RIMS2: variants seen among roughly 807,000 people sequenced by gnomAD.
RIMS2 encodes the protein regulating synaptic membrane exocytosis 2, also known as regulating synaptic membrane exocytosis protein 2.
Under a neutral mutation model 174.4 loss-of-function variants are expected in RIMS2, and 59 were observed. The ratio of observed to expected loss-of-function variants is 0.34; its 90% CI spans 0.27 to 0.42. The LOEUF (loss-of-function observed/expected upper bound fraction) is 0.42, where lower values mean the gene tolerates loss of function less well. RIMS2 is among the 10% of genes least tolerant of loss of function. The pLI is 1.00. For synonymous variants in RIMS2, 606 were observed against 572.5 expected, an observed-to-expected ratio of 1.06 and a Z score of -0.84; for missense variants, 1,620 against 1,666.3, an observed-to-expected ratio of 0.97 and a Z score of 0.48.
At chr8:103,816,770 A>G (rs2098720941) in intron 3 of RIMS2, among the ~76,000 whole-genome samples, 1 of 152,174 alleles carries the variant, frequency 6.6e-6, no homozygotes, top group African/African-American at 2.4e-5. Context: ...TCTCTGAGGA[A>G]GGCAGTTGAT....
intron 1 of RIMS2, among the ~76,000 whole-genome samples, chr8:103,567,339 C>T (rs2092442278): frequency 1.3e-5 from 2 of 152,142 alleles, no homozygotes; most frequent in Non-Finnish European, 2.9e-5. Flanking sequence ...TCCCAGCCAC[C>T]AATCTGGCAA....
chr8:103,942,265 A>G (rs1595562403), intron 13 of RIMS2, among the ~76,000 whole-genome samples: 1 of 152,092 alleles, frequency 6.6e-6, no homozygotes, highest in East Asian at 1.9e-4. Context: ...TTGTTCACAC[A>G]TTAGTTTGCT....
chr8:104,182,177 C>T (rs936867975), intron 19 of RIMS2, among the ~76,000 whole-genome samples: 1 of 151,712 alleles, frequency 6.6e-6, no homozygotes, highest in African/African-American at 2.4e-5. Flanking sequence ...ATATTTTCTT[C>T]TAATCCATTA....
At chr8:104,050,969 T>G (rs2096775412) in intron 19 of RIMS2, among the ~76,000 whole-genome samples, 1 of 152,250 alleles carries the variant, frequency 6.6e-6, no homozygotes, top group South Asian at 2.1e-4. Flanking sequence ...TGCGTGGTAG[T>G]GCATGCTTGT....
chr8:103,898,007 T>C (rs2099299631), intron 4 of RIMS2, among the ~76,000 whole-genome samples: 1 of 151,604 alleles, frequency 6.6e-6, no homozygotes, highest in Non-Finnish European at 1.5e-5. Flanking sequence ...AGAGATGACC[T>C]ACCACGCGTT....
intron 1 of RIMS2, among the ~76,000 whole-genome samples, chr8:103,658,990 C>T (rs1332557276): frequency 6.6e-6 from 1 of 152,040 alleles, no homozygotes; most frequent in Non-Finnish European, 1.5e-5. Context: ...CAGATGGGTC[C>T]CCAGAAATGT....
intron 3 of RIMS2, among the ~76,000 whole-genome samples, chr8:103,780,552 A>G (rs1260081511): frequency 1.3e-5 from 2 of 151,972 alleles, no homozygotes; most frequent in Non-Finnish European, 2.9e-5. Flanking sequence ...TTTTCAGTTC[A>G]GCCAATGTAT....
intron 16 of RIMS2, 37 bp from the exon 19 acceptor site, chr8:103,989,268 G>A (rs1565707050): frequency 1.7e-6 from 2 of 1,195,686 alleles, no homozygotes; most frequent in South Asian, 2.5e-5. Context: ...TGTTTCAAAT[G>A]GTTTACTAAG....
chr8:103,869,845 T>C (rs1347803924), intron 3 of RIMS2, among the ~76,000 whole-genome samples: 2 of 152,126 alleles, frequency 1.3e-5, no homozygotes, highest in Non-Finnish European at 2.9e-5. Context: ...ATCTTGGAGA[T>C]GGGATAAACA....
intron 19 of RIMS2, among the ~76,000 whole-genome samples, chr8:104,074,258 G>A (rs2097250331): frequency 6.6e-6 from 1 of 152,234 alleles, no homozygotes; most frequent in Admixed American, 6.5e-5. Flanking sequence ...ATTAGAAAGG[G>A]CACAGCCTGG....
intron 2 of RIMS2, among the ~76,000 whole-genome samples, chr8:103,743,283 T>C (rs1198745250): frequency 1.3e-5 from 2 of 152,236 alleles, no homozygotes; most frequent in African/African-American, 4.8e-5. Flanking sequence ...TCAAGATATT[T>C]GCCAATTGAC....
intron 4 of RIMS2, among the ~76,000 whole-genome samples, chr8:103,898,268 G>T (rs1351960032): frequency 1.3e-5 from 2 of 151,610 alleles, no homozygotes; most frequent in African/African-American, 4.9e-5. Flanking sequence ...TGTCCCTATG[G>T]TCTCAGTCTT....
At chr8:103,699,046 G>A (rs2097139408) in intron 2 of RIMS2, among the ~76,000 whole-genome samples, 1 of 152,122 alleles carries the variant, frequency 6.6e-6, no homozygotes, top group Non-Finnish European at 1.5e-5. Context: ...GGTTATTCAG[G>A]TTATCTTTCT....
exon 9 of RIMS2, chr8:103,918,478 C>A: frequency 6.2e-7 from 1 of 1,604,624 alleles, no homozygotes; most frequent in Non-Finnish European, 8.5e-7. Flanking sequence ...ACATGCACAA[C>A]TGGAGTCCAG....
Position 103,617,575 on chromosome 8 carries a change from C to G in RIMS2, c.177-79511C>G, listed in dbSNP as rs139499117. 5.1e-3 allele frequency among the ~76,000 whole-genome samples: 770 copies of G among 152,174 alleles called. 4 individuals carry two copies. Among genetic ancestry groups the G allele is most frequent in the Non-Finnish European group, 8.5e-3 (576 of 67,990 alleles). ...ACTATCAACAGAGTAAACAGACAGC[C>G]TATAGAATGGGAGAAAATATTTGCA... On this transcript the variant is annotated intron_variant, in intron 1 of 23. Transcript: ENST00000504942.
At chr8:103,541,265 G>A (rs146344342) in intron 1 of RIMS2, among the ~76,000 whole-genome samples, 6 of 152,266 alleles carry the variant, frequency 3.9e-5, no homozygotes, top group East Asian at 1.9e-4. Context: ...CACACATAAC[G>A]TAGTTACAGT....
At chr8:103,797,784 T>C (rs1460113644) in intron 3 of RIMS2, among the ~76,000 whole-genome samples, 1 of 152,196 alleles carries the variant, frequency 6.6e-6, no homozygotes, top group Non-Finnish European at 1.5e-5. Flanking sequence ...TTTAAATAAT[T>C]TGCTTGAATG....
At chr8:103,834,765 T>C (rs1190710105) in intron 3 of RIMS2, among the ~76,000 whole-genome samples, 1 of 150,674 alleles carries the variant, frequency 6.6e-6, no homozygotes, top group Non-Finnish European at 1.5e-5. Flanking sequence ...TTTTTCTCTC[T>C]CTCTTTCTGT....
At chr8:104,213,593 T>C (rs1310843865) in intron 19 of RIMS2, among the ~76,000 whole-genome samples, 1 of 152,074 alleles carries the variant, frequency 6.6e-6, no homozygotes, top group Non-Finnish European at 1.5e-5. Flanking sequence ...AAGAAATGAA[T>C]GGGCCGGGTG....
Sources: gnomAD v4.1 joint callset for allele counts (sites outside exome capture counted in the v4.1 genomes callset) on GRCh38, gnomAD v4.1.1 for gene constraint, MANE v1.5 for transcripts, NCBI Gene and HGNC (gene_info 2026-07-23, HGNC 2026-07-21) for gene names.